The following BTBD9 variants were observed in gnomAD, a reference collection of about 807,000 sequenced individuals.
BTBD9 encodes the protein BTB/POZ domain-containing protein 9.
Under a neutral mutation model 64.3 loss-of-function variants are expected in BTBD9, and 49 were observed. The ratio of observed to expected loss-of-function variants is 0.76; its 90% CI spans 0.61 to 0.97. The LOEUF (loss-of-function observed/expected upper bound fraction) is 0.97. BTBD9 is among the 50% of genes least tolerant of loss of function. The pLI is 0.00. For missense variants in BTBD9, 598 were observed against 762.1 expected (o/e 0.78, Z 2.53); for synonymous variants, 260 against 274.7 (o/e 0.95, Z 0.53).
chr6:38,531,277 G>C (rs139028644), intron 6 of BTBD9, among the ~76,000 whole-genome samples: 1 of 152,256 alleles, frequency 6.6e-6, no homozygotes, highest in East Asian at 1.9e-4. Flanking sequence ...GGCCAGGAGA[G>C]AGTCGCATGA....
chr6:38,377,832 C>T (rs939245173), intron 6 of BTBD9, among the ~76,000 whole-genome samples: 1 of 152,022 alleles, frequency 6.6e-6, no homozygotes, highest in Non-Finnish European at 1.5e-5. Context: ...TTTTCTAATA[C>T]AGGAATTGTT....
rs111573615 is a variant in BTBD9, at chr6:38,330,827, C to A, written c.1264+14157G>T. Among the ~76,000 whole-genome samples, 680 of 152,194 alleles carry A rather than the reference C, an allele frequency of 4.5e-3. 3 individuals are homozygous for A. Among genetic ancestry groups the A allele is most frequent in the African/African-American group, 0.016 (652 of 41,534 alleles). On this transcript the variant is annotated intron_variant, in intron 7 of 10. Transcript: ENST00000481247. ...GAAAGAATTTCAAGACAATTGGCCA[C>A]AAATTTTAGAAATAAAAGTTAAACC...
chr6:38,374,115 C>G (rs1014964808), intron 6 of BTBD9, among the ~76,000 whole-genome samples: 1 of 149,842 alleles, frequency 6.7e-6, no homozygotes, highest in East Asian at 2.0e-4. Context: ...ACTAAAAATA[C>G]AAAATTAGCC....
intron 6 of BTBD9, among the ~76,000 whole-genome samples, chr6:38,573,548 C>T (rs982340767): frequency 6.6e-6 from 1 of 152,118 alleles, no homozygotes; most frequent in South Asian, 2.1e-4. Context: ...ATACCTCTCC[C>T]ACCTACGCTC....
At chr6:38,310,842 G>A (rs540156364) in intron 7 of BTBD9, among the ~76,000 whole-genome samples, 2 of 151,880 alleles carry the variant, frequency 1.3e-5, no homozygotes, top group Middle Eastern at 3.4e-3. Context: ...ACGAAGTCTC[G>A]CTCTGTCACC....
intron 6 of BTBD9, among the ~76,000 whole-genome samples, chr6:38,363,370 C>T (rs1235700626): frequency 6.6e-6 from 1 of 152,202 alleles, no homozygotes; most frequent in Admixed American, 6.5e-5. Context: ...ACAGCCCTGG[C>T]AACATAGTGA....
At chr6:38,563,092 T>TC (rs1197949340) in intron 6 of BTBD9, among the ~76,000 whole-genome samples, 1 of 152,146 alleles carries the variant, frequency 6.6e-6, no homozygotes, top group African/African-American at 2.4e-5. Flanking sequence ...GGCTATTCTT[T>TC]CCCCATTTCA....
At chr6:38,602,437 T>C (rs1777284915) in intron 1 of BTBD9, among the ~76,000 whole-genome samples, 1 of 152,066 alleles carries the variant, frequency 6.6e-6, no homozygotes, top group Non-Finnish European at 1.5e-5. Context: ...CTTAAGTATG[T>C]GTATTTACAT....
At chr6:38,587,425 T>C (rs1776583486) in intron 4 of BTBD9, 1 of 531,816 alleles carries the variant, frequency 1.9e-6, no homozygotes, top group Non-Finnish European at 3.7e-6. Context: ...TAATATTACT[T>C]ATGATGAATT....
intron 9 of BTBD9, 84 bp downstream of exon 9, chr6:38,256,325 C>T: frequency 1.1e-6 from 1 of 938,876 alleles, no homozygotes; most frequent in Non-Finnish European, 1.7e-6. Context: ...TTTGGCGATT[C>T]TATGAATTTT....
At chr6:38,293,483 G>C (rs1762038570) in intron 7 of BTBD9, among the ~76,000 whole-genome samples, 1 of 152,060 alleles carries the variant, frequency 6.6e-6, no homozygotes, top group Non-Finnish European at 1.5e-5. Flanking sequence ...TGGACCAATG[G>C]AACAGAACAG....
chr6:38,243,217 A>G (rs1764067366), intron 9 of BTBD9, among the ~76,000 whole-genome samples: 1 of 152,254 alleles, frequency 6.6e-6, no homozygotes, highest in Admixed American at 6.5e-5. Context: ...AAGTCTGGTT[A>G]GAGTCAGAGA....
chr6:38,193,884 C>T (rs952567877), intron 9 of BTBD9: 132 of 985,310 alleles, frequency 1.3e-4, no homozygotes, highest in Non-Finnish European at 1.6e-4. Context: ...GATTGATTCA[C>T]TGCTGCCTGG....
chr6:38,412,515 T>C (rs1562147870), intron 6 of BTBD9, among the ~76,000 whole-genome samples: 2 of 151,218 alleles, frequency 1.3e-5, no homozygotes. Context: ...CTTACGACTA[T>C]GTAACAGTGT....
At chr6:38,340,019 A>G (rs1764039651) in intron 7 of BTBD9, among the ~76,000 whole-genome samples, 1 of 152,204 alleles carries the variant, frequency 6.6e-6, no homozygotes, top group Admixed American at 6.5e-5. Context: ...GAGCAAATGA[A>G]TATTGTACTG....
At chr6:38,492,750 C>A (rs1582521827) in intron 6 of BTBD9, among the ~76,000 whole-genome samples, 1 of 151,892 alleles carries the variant, frequency 6.6e-6, no homozygotes, top group Non-Finnish European at 1.5e-5. Flanking sequence ...TGTTGATAAA[C>A]CAAAAAACTG....
chr6:38,387,894 T>C (rs902496420), intron 6 of BTBD9, among the ~76,000 whole-genome samples: 1 of 151,666 alleles, frequency 6.6e-6, no homozygotes, highest in Admixed American at 6.6e-5. Flanking sequence ...GAGAGAAAAA[T>C]AACGGCCCGC....
chr6:38,298,141 C>T (rs1273070350), intron 7 of BTBD9, among the ~76,000 whole-genome samples: 2 of 151,970 alleles, frequency 1.3e-5, no homozygotes, highest in African/African-American at 4.8e-5. Flanking sequence ...AGGTGTGAGC[C>T]ACCACACCTG....
intron 6 of BTBD9, among the ~76,000 whole-genome samples, chr6:38,446,824 T>C (rs1769299273): frequency 6.6e-6 from 1 of 152,212 alleles, no homozygotes; most frequent in Non-Finnish European, 1.5e-5. Flanking sequence ...ATGCTCACTA[T>C]ACTACACTAA....
Sources: allele counts gnomAD v4.1 joint callset (sites outside exome capture counted in the v4.1 genomes callset), GRCh38; gene constraint gnomAD v4.1.1; transcripts MANE v1.5; gene names NCBI Gene and HGNC (gene_info 2026-07-23, HGNC 2026-07-21).